Variants in LRP1B observed in about 807,000 individuals in gnomAD.
The protein encoded by LRP1B is LDL receptor related protein 1B.
LRP1B carries 217 observed loss-of-function variants against 556.6 expected under a neutral mutation model. The observed-to-expected ratio is 0.39, with a 90% CI of 0.35 to 0.44. The LOEUF (loss-of-function observed/expected upper bound fraction) is 0.44, where lower values mean the gene tolerates loss of function less well. Among genes scored for constraint, LRP1B ranks in the 20% least tolerant of loss-of-function variants. The pLI is 1.00. For missense variants in LRP1B, 5,053 were observed against 5,620.8 expected, an observed-to-expected ratio of 0.90 and a Z score of 3.23; for synonymous variants, 2,047 against 1,865.8, an observed-to-expected ratio of 1.10 and a Z score of -2.50.
At chr2:141,154,009 T>C (rs533839396) in intron 7 of LRP1B, among the ~76,000 whole-genome samples, 1 of 151,858 alleles carries the variant, frequency 6.6e-6, no homozygotes, top group South Asian at 2.1e-4. Flanking sequence ...ATAAATACAA[T>C]TATGTTGCAG....
chr2:140,283,144 T>TA (rs919866251), intron 84 of LRP1B, among the ~76,000 whole-genome samples: 51 of 151,858 alleles, frequency 3.4e-4, no homozygotes, highest in Middle Eastern at 3.4e-3. Context: ...ACACATAGAG[T>TA]AACTTGTATA....
At chr2:141,318,626 CA>C (rs1296967897) in intron 3 of LRP1B, among the ~76,000 whole-genome samples, 1 of 151,974 alleles carries the variant, frequency 6.6e-6, no homozygotes, top group African/African-American at 2.4e-5. Context: ...AGAGGAAAAG[CA>C]AAATGGCTGG....
At chr2:140,332,733 C>G (rs965989269) in intron 79 of LRP1B, among the ~76,000 whole-genome samples, 8 of 152,112 alleles carry the variant, frequency 5.3e-5, no homozygotes, top group Non-Finnish European at 7.4e-5. Flanking sequence ...GCTCCTTCCC[C>G]TTCTCTCCCT....
intron 84 of LRP1B, among the ~76,000 whole-genome samples, chr2:140,291,374 A>G (rs2104987468): frequency 6.9e-6 from 1 of 144,814 alleles, no homozygotes; most frequent in African/African-American, 2.5e-5. Context: ...GGTTTGTTAC[A>G]TATGTATACA....
intron 6 of LRP1B, among the ~76,000 whole-genome samples, chr2:141,193,860 T>G (rs550228899): frequency 6.6e-6 from 1 of 152,216 alleles, no homozygotes; most frequent in East Asian, 1.9e-4. Context: ...ATCCAAGGAT[T>G]ACTTCATTCT....
chr2:140,538,771 A>AT (rs1680025323), intron 45 of LRP1B, among the ~76,000 whole-genome samples: 1 of 152,012 alleles, frequency 6.6e-6, no homozygotes, highest in East Asian at 1.9e-4. Flanking sequence ...TTCCTGACTT[A>AT]TTTTTCCTAT....
At chr2:141,673,670 T>G (rs1690764755) in intron 2 of LRP1B, among the ~76,000 whole-genome samples, 1 of 152,156 alleles carries the variant, frequency 6.6e-6, no homozygotes, top group African/African-American at 2.4e-5. Flanking sequence ...ATAATAGTTT[T>G]TTAGATGAAC....
At chr2:140,806,203 G>A (rs1174550256) in intron 32 of LRP1B, among the ~76,000 whole-genome samples, 7 of 152,044 alleles carry the variant, frequency 4.6e-5, no homozygotes, top group Non-Finnish European at 7.4e-5. Context: ...CCAGAACTGT[G>A]AGAAATAAAT....
chr2:141,534,365 G>T (rs949020793), intron 2 of LRP1B, among the ~76,000 whole-genome samples: 6 of 152,064 alleles, frequency 3.9e-5, no homozygotes, highest in Non-Finnish European at 7.4e-5. Context: ...GATTCATATC[G>T]TTCCCTTGCG....
intron 11 of LRP1B, among the ~76,000 whole-genome samples, chr2:141,035,577 G>T (rs889352070): frequency 6.6e-5 from 10 of 151,178 alleles, no homozygotes; most frequent in African/African-American, 1.7e-4. Context: ...TGATATTTTT[G>T]TAGATAAATA....
rs1189772575 is a variant in LRP1B at position 140,674,002 on chromosome 2, G to A, written c.6799+26248C>T. ...CTTGCTTTGTCGCCCAGGCTGGAGT[G>A]CAATGGGGCAACTCTGGCTCACTGC... On this transcript the variant is annotated intron_variant, in intron 41 of 90. Transcript: ENST00000389484. Among the ~76,000 whole-genome samples the A allele has an allele frequency of 2.0e-5, 3 of 149,298 alleles. No homozygotes were observed. In the Admixed American group the frequency reaches 2.0e-4, roughly 10 times the overall value.
chr2:141,409,260 C>T (rs189476047), intron 3 of LRP1B, among the ~76,000 whole-genome samples: 4 of 152,216 alleles, frequency 2.6e-5, no homozygotes, highest in African/African-American at 4.8e-5. Context: ...GTATGCACAG[C>T]GGAAAAACTG....
intron 43 of LRP1B, among the ~76,000 whole-genome samples, chr2:140,545,999 G>GTT (rs1553484341): frequency 1.2e-5 from 1 of 83,982 alleles, no homozygotes; most frequent in East Asian, 4.9e-4. Context: ...GTATTATTAG[G>GTT]TTGTGTGTGT....
intron 41 of LRP1B, among the ~76,000 whole-genome samples, chr2:140,643,335 T>C (rs549721446): frequency 5.3e-5 from 8 of 152,164 alleles, no homozygotes; most frequent in Non-Finnish European, 8.8e-5. Flanking sequence ...TACACTTCAT[T>C]GTTTATATTT....
rs763477203 is a variant in LRP1B at position 141,480,413 on chromosome 2, T to C, written c.326A>G (p.Glu109Gly). 1 of 1,613,960 alleles carries C rather than the reference T, an allele frequency of 6.2e-7. No homozygotes were observed. Among genetic ancestry groups the C allele is most frequent in the South Asian group, 1.1e-5 (1 of 91,088 alleles). ...GGACTCACCCTGACAATGTACTCCTTCGTCATACCCATCTGGGCAGTCCAA... is the reference window on the plus strand; with the variant it reads ...GGACTCACCCTGACAATGTACTCCTCCGTCATACCCATCTGGGCAGTCCAA... ...GVLDCPDGYD[E>G]GVHCQELLSN... is the part of the protein sequence containing the mutation. The change falls in exon 3 of 91, where the codon GAA becomes GGA. Residue 109 changes from glutamate to glycine, a missense_variant. Glu to Gly is a moderately conservative substitution (Grantham distance 98). Transcript: ENST00000389484.
intron 2 of LRP1B, among the ~76,000 whole-genome samples, chr2:141,708,883 C>G (rs1192166532): frequency 2.0e-5 from 3 of 152,132 alleles, no homozygotes; most frequent in South Asian, 4.1e-4. Context: ...AGGAGAGAGG[C>G]CTCAGAAGAA....
In LRP1B at chr2:141,559,157, T is replaced by G. The variant is rs1686058639; in HGVS notation, c.206-78624A>C. ...CCATTTTTTTAAAGATTTAAAAATA[T>G]TATTCTCCATCACTATTATGTTTCT... is the stretch of plus-strand genomic sequence containing the variant. On this transcript the variant is annotated intron_variant, in intron 2 of 90. Coordinates refer to ENST00000389484, the MANE Select transcript of LRP1B (RefSeq NM_018557.3). Among the ~76,000 whole-genome samples the G allele has an allele frequency of 2.0e-5, 3 of 151,832 alleles. No individual in the cohort carries two copies. In the South Asian group the frequency reaches 6.2e-4, roughly 31 times the overall value.
chr2:140,353,174 G>C (rs1682052555), intron 75 of LRP1B, 102 bp from the exon 76 acceptor site: 1 of 1,169,036 alleles, frequency 8.6e-7, no homozygotes, highest in Non-Finnish European at 1.2e-6. Context: ...CTTATTACTA[G>C]CTTTATTGTC....
At chr2:140,506,629 T>A (rs1248696126) in intron 53 of LRP1B, among the ~76,000 whole-genome samples, 167 bp downstream of exon 53, 1 of 152,240 alleles carries the variant, frequency 6.6e-6, no homozygotes, top group African/African-American at 2.4e-5. Flanking sequence ...TGTATTATAC[T>A]AGAGCTTAAA....
Sources: gnomAD v4.1 joint callset for allele counts (sites outside exome capture counted in the v4.1 genomes callset) on GRCh38, gnomAD v4.1.1 for gene constraint, MANE v1.5 for transcripts, NCBI Gene and HGNC (gene_info 2026-07-23, HGNC 2026-07-21) for gene names.